Variants in NLRP5 observed in about 807,000 individuals in gnomAD.
NLRP5 encodes NACHT, LRR and PYD domains-containing protein 5.
NLRP5 carries 93 observed loss-of-function variants against 113.1 expected under a neutral mutation model. The observed-to-expected ratio is 0.82, with a 90% CI of 0.70 to 0.98. The LOEUF is 0.98. Ranked by LOEUF, NLRP5 falls within the 50% of genes least tolerant of loss-of-function variation. The pLI is 0.00. For missense variants in NLRP5, 1,808 were observed against 1,514.3 expected (o/e 1.19, Z -3.22); for synonymous variants, 751 against 600.7 (o/e 1.25, Z -3.66).
chr19:56,032,884 G>A, intron 8 of NLRP5, 103 bp downstream of exon 8: 1 of 1,153,826 alleles, frequency 8.7e-7, no homozygotes, highest in Non-Finnish European at 1.2e-6. Flanking sequence ...AGTGCAGCCT[G>A]AGGGCATAAG....
At chr19:56,060,186 G>A (rs689311) in intron 14 of NLRP5, among the ~76,000 whole-genome samples, 22,089 of 152,168 alleles carry the variant, frequency 0.15, 1,884 homozygotes, top group Non-Finnish European at 0.2. Flanking sequence ...ATGGGACTTA[G>A]TAGTTGAAGT....
At position 56,061,437 on chromosome 19, in the gene NLRP5, TG is replaced by T; in HGVS notation, c.3514del (p.Glu1172ArgfsTer11). 6.2e-7 allele frequency: 1 copy of T among 1,613,904 alleles called. No homozygotes were observed. The highest frequency in any genetic ancestry group is 8.5e-7 in the Non-Finnish European group (1 of 1,179,784). On this transcript the variant is annotated frameshift_variant, in exon 15 of 15. Coordinates refer to ENST00000390649, the MANE Select transcript of NLRP5 (RefSeq NM_153447.4). LOFTEE classifies it low-confidence loss of function (END_TRUNC). The stretch of plus-strand genomic sequence containing the variant: ...TACCCTGTGCAAATAAGGAAGCTGC[TG>T]GAGGAAGTGCAGCTACTCAAGCCCC...
Position 56,003,756 on chromosome 19 carries a change from C to T in NLRP5, c.103C>T (p.Pro35Ser). The change falls in exon 2 of 15, where the codon CCA becomes TCA. Residue 35 changes from proline to serine, a missense_variant. Physicochemically the swap from Pro to Ser is moderately conservative, Grantham distance 74. Transcript: ENST00000390649. ...CACAGGTCCTACTTGCTCTATATTA[C>T]CAAAGAATCCACTTTTCCCCCAAAA... is the stretch of plus-strand genomic sequence containing the variant. The T allele has an allele frequency of 6.2e-7, 1 of 1,613,262 alleles. No individual in the cohort carries two copies. The highest frequency in any genetic ancestry group is 8.5e-7 in the Non-Finnish European group (1 of 1,179,664).
chr19:56,012,578 A>C (rs999555518), intron 3 of NLRP5, among the ~76,000 whole-genome samples: 13 of 1,436 alleles, frequency 9.1e-3, no homozygotes, highest in Admixed American at 0.012. Context: ...CCATAACCCA[A>C]AAAAAAAAAA....
chr19:56,051,137 G>C (rs1345525699), intron 12 of NLRP5, among the ~76,000 whole-genome samples: 2 of 152,170 alleles, frequency 1.3e-5, no homozygotes, highest in African/African-American at 4.8e-5. Flanking sequence ...GTTTTACAAA[G>C]AAAGGATCAT....
At chr19:56,018,159 G>A (rs1982479369) in intron 4 of NLRP5, among the ~76,000 whole-genome samples, 1 of 152,070 alleles carries the variant, frequency 6.6e-6, no homozygotes, top group African/African-American at 2.4e-5. Context: ...CAATAACCAA[G>A]GCGATCTAAA....
Position 56,038,025 on chromosome 19 carries a change from G to A in NLRP5, c.2616G>A (p.Arg872=), listed in dbSNP as rs747866625. Residue 872 remains arginine, a splice_region_variant and synonymous_variant, in exon 10 of 15, where the codon AGG becomes AGA. Coordinates refer to ENST00000390649, the MANE Select transcript of NLRP5 (RefSeq NM_153447.4). ...TGCTTCATGCTGCCTGTCTCTGCAG[G>A]CTGGATTGCTGTGGATTGACCCATG... 1.9e-6 allele frequency: 3 copies of A among 1,613,938 alleles called. No homozygotes were observed. The highest frequency in any genetic ancestry group is 3.3e-5 in the Admixed American group (2 of 60,020).
chr19:56,046,528 G>A (rs895777619), intron 11 of NLRP5, among the ~76,000 whole-genome samples: 1 of 150,576 alleles, frequency 6.6e-6, no homozygotes, highest in African/African-American at 2.5e-5. Flanking sequence ...AGTGTCGAAA[G>A]GATTGGTACC....
chr19:56,011,176 C>T (rs961967800), intron 3 of NLRP5, among the ~76,000 whole-genome samples: 1 of 147,872 alleles, frequency 6.8e-6, no homozygotes, highest in South Asian at 2.1e-4. Context: ...TACACACATA[C>T]ATTAATGTAT....
chr19:56,058,078 A>C (rs1232424083), intron 13 of NLRP5, among the ~76,000 whole-genome samples, 162 bp from the exon 14 acceptor site: 1 of 151,336 alleles, frequency 6.6e-6, no homozygotes, highest in African/African-American at 2.4e-5. Flanking sequence ...AGAACAACTA[A>C]ACCAGAAACT....
intron 2 of NLRP5, among the ~76,000 whole-genome samples, chr19:56,005,645 C>CGT (rs1450326613): frequency 6.7e-6 from 1 of 148,930 alleles, no homozygotes; most frequent in African/African-American, 2.5e-5. Context: ...CACACACACG[C>CGT]GCGCAGGTGG....
Position 56,037,797 on chromosome 19 carries a change from A to C in NLRP5, c.2616-228A>C, listed in dbSNP as rs141807279. ...ACCATTTAAGGTCTGGCTTACCCGA[A>C]AGGCGACCTTCAAGAGACATGAAAG... On this transcript the variant is annotated intron_variant, in intron 9 of 14. Coordinates refer to ENST00000390649, the MANE Select transcript of NLRP5 (RefSeq NM_153447.4). Among the ~76,000 whole-genome samples, 899 of 152,110 alleles carry C rather than the reference A, an allele frequency of 5.9e-3. 3 individuals are homozygous for C. Among genetic ancestry groups the C allele is most frequent in the Non-Finnish European group, 9.9e-3 (670 of 67,992 alleles).
chr19:56,010,862 A>C (rs2123280821), intron 3 of NLRP5, among the ~76,000 whole-genome samples: 1 of 151,584 alleles, frequency 6.6e-6, no homozygotes, highest in Non-Finnish European at 1.5e-5. Context: ...CATAAAAAGG[A>C]ATGATGTGGC....
chr19:56,047,191 C>T (rs1983759547), intron 11 of NLRP5, among the ~76,000 whole-genome samples: 1 of 152,108 alleles, frequency 6.6e-6, no homozygotes, highest in African/African-American at 2.4e-5. Flanking sequence ...AAAGAACCAG[C>T]TTTTTGTTTC....
the NLRP5 span, among the ~76,000 whole-genome samples, chr19:55,990,335 T>A: frequency 1.3e-5 from 2 of 151,722 alleles, no homozygotes; most frequent in African/African-American, 4.8e-5. Flanking sequence ...GTGATCCACC[T>A]GCCTCAGGAT....
intron 8 of NLRP5, 127 bp from the exon 9 acceptor site, chr19:56,033,415 G>C (rs147084671): frequency 4.0e-6 from 3 of 741,856 alleles, no homozygotes; most frequent in South Asian, 3.5e-5. Flanking sequence ...TCAGGTATTC[G>C]TTGTTTTAAA....
chr19:56,059,775 T>C (rs185672650), intron 14 of NLRP5, among the ~76,000 whole-genome samples: 21 of 151,942 alleles, frequency 1.4e-4, no homozygotes, highest in Admixed American at 3.3e-4. Flanking sequence ...ATCCACCAGC[T>C]TCAGCCTCCC....
At chr19:56,015,924 T>C in intron 4 of NLRP5, 126 bp downstream of exon 4, 2 of 612,246 alleles carry the variant, frequency 3.3e-6, no homozygotes, top group Non-Finnish European at 5.5e-6. Context: ...CTCTGGTGTG[T>C]GAGTCCCTCT....
In NLRP5 at chr19:56,013,596, G is replaced by GGTTTTTTTTTTTTT. The variant is rs1555765383; in HGVS notation, c.509-2146_509-2145insGTTTTTTTTTTTTT. Among the ~76,000 whole-genome samples the GGTTTTTTTTTTTTT allele has an allele frequency of 7.9e-4, 47 of 59,290 alleles. 8 individuals carry two copies. The highest frequency in any genetic ancestry group is 1.8e-3 in the South Asian group (3 of 1,636). The allele number at this position is 59,290 out of a possible 152,430, so 38.9% of individuals were successfully genotyped here. ...CATTTATCACATGATGGACATTTGG[G>GGTTTTTTTTTTTTT]TTTTTTTTTTTTTTTTTTTTTGCTA... On this transcript the variant is annotated intron_variant, in intron 3 of 14. Coordinates refer to ENST00000390649, the MANE Select transcript of NLRP5 (RefSeq NM_153447.4).
Sources: gnomAD v4.1 joint callset for allele counts (sites outside exome capture counted in the v4.1 genomes callset) on GRCh38, gnomAD v4.1.1 for gene constraint, MANE v1.5 for transcripts, NCBI Gene and HGNC (gene_info 2026-07-23, HGNC 2026-07-21) for gene names.